Variants in SNTB2 observed in about 807,000 individuals in gnomAD.
SNTB2 encodes the protein syntrophin beta 2.
In SNTB2, 34 loss-of-function variants were observed where a neutral mutation model predicts 46.2. The observed-to-expected ratio is 0.74, with a 90% CI of 0.56 to 0.98. SNTB2 has a LOEUF of 0.98. SNTB2 is among the 50% of genes least tolerant of loss of function. The pLI, the probability that SNTB2 is intolerant of heterozygous loss-of-function variation, is 0.00. For missense variants in SNTB2, 603 were observed against 731.4 expected (o/e 0.82, Z 2.02); for synonymous variants, 290 against 312.6 (o/e 0.93, Z 0.76).
At chr16:69,256,006 T>A (rs944456171) in intron 2 of SNTB2, among the ~76,000 whole-genome samples, 3 of 151,516 alleles carry the variant, frequency 2.0e-5, no homozygotes, top group Non-Finnish European at 4.4e-5. Context: ...GCCAACATAG[T>A]GAAACCCCGT....
intron 2 of SNTB2, among the ~76,000 whole-genome samples, chr16:69,253,747 C>T (rs1407213173): frequency 6.6e-6 from 1 of 152,144 alleles, no homozygotes; most frequent in Non-Finnish European, 1.5e-5. Flanking sequence ...CCGGTATCTA[C>T]TTGTGTTTAA....
At chr16:69,282,130 C>A (rs1023831803) in intron 4 of SNTB2, among the ~76,000 whole-genome samples, 1 of 149,340 alleles carries the variant, frequency 6.7e-6, no homozygotes, top group Admixed American at 6.6e-5. Context: ...GACTTAAACT[C>A]CTGACCTCAA....
At chr16:69,211,680 A>C (rs1964288860) in intron 1 of SNTB2, among the ~76,000 whole-genome samples, 1 of 152,220 alleles carries the variant, frequency 6.6e-6, no homozygotes, top group South Asian at 2.1e-4. Flanking sequence ...TAACCTGAGC[A>C]GCTGTCTTTG....
intron 1 of SNTB2, among the ~76,000 whole-genome samples, chr16:69,229,473 A>ATTT (rs546123559): frequency 1.4e-3 from 181 of 131,046 alleles, no homozygotes; most frequent in South Asian, 1.8e-3. Context: ...GCCTGCCTGA[A>ATTT]TTTTTTTTTT....
chr16:69,213,394 A>AT (rs768651221), intron 1 of SNTB2, among the ~76,000 whole-genome samples: 3 of 152,102 alleles, frequency 2.0e-5, no homozygotes, highest in Non-Finnish European at 2.9e-5. Context: ...TGGGTTGATA[A>AT]TTGTCCACTA....
chr16:69,228,275 G>A (rs1192454051), intron 1 of SNTB2, among the ~76,000 whole-genome samples: 1 of 152,100 alleles, frequency 6.6e-6, no homozygotes, highest in African/African-American at 2.4e-5. Flanking sequence ...GGAGGCTGAC[G>A]AGTGTGGGTC....
At chr16:69,207,995 G>C (rs1296196728) in intron 1 of SNTB2, among the ~76,000 whole-genome samples, 1 of 142,366 alleles carries the variant, frequency 7.0e-6, no homozygotes, top group African/African-American at 2.5e-5. Context: ...GGTAATCCCA[G>C]CTACTTGGGA....
At chr16:69,260,920 G>A (rs551334859) in intron 3 of SNTB2, among the ~76,000 whole-genome samples, 14 of 152,292 alleles carry the variant, frequency 9.2e-5, no homozygotes, top group Admixed American at 5.9e-4. Context: ...CTGAGTGGAT[G>A]TTGAGTTAAA....
chr16:69,235,643 GA>G, intron 1 of SNTB2: 1 of 1,200,264 alleles, frequency 8.3e-7, no homozygotes, highest in South Asian at 1.5e-5. Flanking sequence ...GGAGCAGAAA[GA>G]AAGAAAACAA....
intron 4 of SNTB2, among the ~76,000 whole-genome samples, chr16:69,270,891 C>T (rs1368486067): frequency 6.6e-6 from 1 of 152,150 alleles, no homozygotes; most frequent in Non-Finnish European, 1.5e-5. Flanking sequence ...AACTAGAAAA[C>T]ATATCCAAAT....
At chr16:69,255,744 G>A (rs1461769810) in intron 2 of SNTB2, among the ~76,000 whole-genome samples, 5 of 151,854 alleles carry the variant, frequency 3.3e-5, no homozygotes, top group Non-Finnish European at 7.4e-5. Flanking sequence ...AGCCAGGCTT[G>A]GTGGCACTTC....
chr16:69,193,625 A>G (rs1964076257), intron 1 of SNTB2, among the ~76,000 whole-genome samples: 1 of 152,146 alleles, frequency 6.6e-6, no homozygotes, highest in Non-Finnish European at 1.5e-5. Flanking sequence ...CACCATGTCC[A>G]GCCCAGACTT....
In SNTB2 at chr16:69,305,376, T is replaced by C. The variant is rs1324750774; in HGVS notation, c.*4452T>C. ...TTATGTTCTTATTATTTTCACTGGT[T>C]ATAAGCTATTCCTTGTACATAATAT... On this transcript the variant is annotated 3_prime_UTR_variant, in exon 7 of 7. Coordinates refer to ENST00000336278, the MANE Select transcript of SNTB2 (RefSeq NM_006750.4). The C allele has an allele frequency of 6.6e-6, 1 of 152,302 alleles. No individual in the cohort carries two copies. Among genetic ancestry groups the C allele is most frequent in the African/African-American group, 2.4e-5 (1 of 41,464 alleles). 9.4% of individuals were successfully genotyped at this position (152,302 alleles called of 1,614,324 possible). A position where few individuals can be genotyped will look rare whatever the true frequency, so the allele number is the denominator to read the frequency against.
At chr16:69,218,552 G>A (rs965783765) in intron 1 of SNTB2, among the ~76,000 whole-genome samples, 6 of 151,894 alleles carry the variant, frequency 4.0e-5, no homozygotes, top group African/African-American at 1.5e-4. Context: ...CTCACGAGTA[G>A]CTGGGATTAC....
At chr16:69,239,855 G>A (rs1206531950) in intron 1 of SNTB2, among the ~76,000 whole-genome samples, 1 of 152,058 alleles carries the variant, frequency 6.6e-6, no homozygotes, top group Non-Finnish European at 1.5e-5. Context: ...AGAAACCACT[G>A]AATTTTTCAT....
At chr16:69,276,464 AT>A (rs1475562162) in intron 4 of SNTB2, among the ~76,000 whole-genome samples, 2 of 152,238 alleles carry the variant, frequency 1.3e-5, no homozygotes, top group Admixed American at 6.5e-5. Context: ...ACGTTTTTTA[AT>A]GTCTGTTTTG....
intron 1 of SNTB2, among the ~76,000 whole-genome samples, chr16:69,197,414 A>G (rs1012759171): frequency 6.6e-6 from 1 of 152,228 alleles, no homozygotes; most frequent in Non-Finnish European, 1.5e-5. Flanking sequence ...AACAGATTTG[A>G]TGAAATAGCC....
intron 2 of SNTB2, among the ~76,000 whole-genome samples, chr16:69,256,543 A>G (rs1964778366): frequency 6.6e-6 from 1 of 152,162 alleles, no homozygotes; most frequent in South Asian, 2.1e-4. Flanking sequence ...TTTGCTCTAG[A>G]TACTTCATGA....
At chr16:69,289,879 G>A (rs895606426) in intron 5 of SNTB2, among the ~76,000 whole-genome samples, 7 of 152,044 alleles carry the variant, frequency 4.6e-5, no homozygotes, top group African/African-American at 1.2e-4. Context: ...CTATGATTAC[G>A]TCACTGCACT....
Sources: allele counts gnomAD v4.1 joint callset (sites outside exome capture counted in the v4.1 genomes callset), GRCh38; gene constraint gnomAD v4.1.1; transcripts MANE v1.5; gene names NCBI Gene and HGNC (gene_info 2026-07-23, HGNC 2026-07-21).